The following TPCN1 variants were observed in gnomAD, a reference collection of about 807,000 sequenced individuals.
TPCN1 encodes the protein two pore segment channel 1, also known as two pore channel protein 1.
TPCN1 carries 52 observed loss-of-function variants against 108.8 expected under a neutral mutation model. The observed-to-expected ratio is 0.48, with a 90% CI of 0.38 to 0.60. The LOEUF is 0.60. TPCN1 is among the 20% of genes least tolerant of loss of function. The probability of loss-of-function intolerance (pLI) is 0.00; values close to 1 mark genes in which losing one functional copy is unlikely to be tolerated. For missense variants in TPCN1, 806 were observed against 1,072.8 expected (o/e 0.75, Z 3.47); for synonymous variants, 446 against 433.7 (o/e 1.03, Z -0.35).
chr12:113,222,368 G>T (rs2094891045), intron 1 of TPCN1, among the ~76,000 whole-genome samples: 1 of 152,200 alleles, frequency 6.6e-6, no homozygotes, highest in South Asian at 2.1e-4. Context: ...GGGGATATTA[G>T]CTAAGATAGG....
At position 113,273,607 on chromosome 12, in the gene TPCN1, C is replaced by G. The variant is rs1955577560; in HGVS notation, c.881C>G (p.Pro294Arg). The change falls in exon 10 of 28, where the codon CCC becomes CGC. Residue 294 changes from proline to arginine, a missense_variant. By Grantham distance (103) the Pro-to-Arg change is moderately radical (BLOSUM62 -2). Transcript: ENST00000335509. The surrounding 1 kb of genome is among the most constrained non-coding windows in gnomAD (Gnocchi z 4.0). ...DVMMPSYSRN[P>R]WSCVFFIVYL... ...ATGATGCCCTCCTACTCCCGGAACC[C>G]CTGGTCCTGCGTCTTCTTCATCGTG... is the stretch of plus-strand genomic sequence containing the variant. 2 of 1,614,216 alleles carry G rather than the reference C, an allele frequency of 1.2e-6. No homozygotes were observed. Among genetic ancestry groups the G allele is most frequent in the South Asian group, 1.1e-5 (1 of 91,080 alleles).
intron 2 of TPCN1, among the ~76,000 whole-genome samples, chr12:113,234,830 A>C (rs960464723): frequency 3.3e-5 from 5 of 152,074 alleles, no homozygotes; most frequent in African/African-American, 1.2e-4. Context: ...CACATTTGCC[A>C]GTTTTTCAAA....
At position 113,273,187 on chromosome 12, in the gene TPCN1, T is replaced by C. The variant is rs1955562108; in HGVS notation, c.784-45T>C. The C allele has an allele frequency of 6.3e-7, 1 of 1,589,016 alleles. No individual in the cohort carries two copies. The highest frequency in any genetic ancestry group is 1.3e-5 in the African/African-American group (1 of 74,358). The stretch of plus-strand genomic sequence containing the variant: ...TCACAGCCTGTTCCTGATGGCCGTG[T>C]GCTCTTGGCTGGTCCCGACTTCTCT... On this transcript the variant is annotated intron_variant, in intron 8 of 27. Transcript: ENST00000335509. The surrounding 1 kb of genome is among the most constrained non-coding windows in gnomAD (Gnocchi z 4.0).
intron 23 of TPCN1, 140 bp from the exon 24 acceptor site, chr12:113,291,469 G>A: frequency 1.4e-6 from 1 of 727,502 alleles, no homozygotes; most frequent in Non-Finnish European, 2.3e-6. Context: ...AGAGGGGCAA[G>A]CTTCCTCTCC....
At chr12:113,224,184 T>C (rs561155421) in intron 1 of TPCN1, among the ~76,000 whole-genome samples, 15 of 152,312 alleles carry the variant, frequency 9.8e-5, no homozygotes, top group African/African-American at 3.6e-4. Flanking sequence ...AGTCACACCG[T>C]AGAGCTGAAA....
intron 2 of TPCN1, among the ~76,000 whole-genome samples, chr12:113,229,047 C>CA (rs2136436389): frequency 6.6e-6 from 1 of 152,316 alleles, no homozygotes; most frequent in East Asian, 1.9e-4. Flanking sequence ...GAGAGCAACC[C>CA]AGTCCTGTGT....
In TPCN1 at chr12:113,298,109, G is replaced by A. The variant is rs932232451; in HGVS notation, c.*2033G>A. On this transcript the variant is annotated 3_prime_UTR_variant, in exon 28 of 28. Coordinates refer to ENST00000335509, the MANE Select transcript of TPCN1 (RefSeq NM_017901.6). ...TCTGCCCAACCCTGTCCTGAGAAAG[G>A]ACCTGGTTTTGGCCAGGACCTGACA... is the stretch of plus-strand genomic sequence containing the variant. The A allele has an allele frequency of 6.6e-6, 1 of 152,264 alleles. No individual in the cohort carries two copies. Among genetic ancestry groups the A allele is most frequent in the African/African-American group, 2.4e-5 (1 of 41,448 alleles). The allele number at this position is 152,264 out of a possible 1,614,324, so 9.4% of individuals were successfully genotyped here.
rs1956220698 is a variant in TPCN1 at position 113,290,175 on chromosome 12, G to A, written c.1844G>A (p.Gly615Asp). 2 of 1,607,422 alleles carry A rather than the reference G, an allele frequency of 1.2e-6. No individual in the cohort carries two copies. The highest frequency in any genetic ancestry group is 1.3e-5 in the African/African-American group (1 of 74,846). The change falls in exon 22 of 28, where the codon GGC becomes GAC. Residue 615 changes from glycine to aspartate, a missense_variant. Transcript: ENST00000335509. ...TACCGCTGGCGCAACCACACCGTGG[G>A]CAACAGGACCGTGGTGGAGGAAGGC... ...DAYRWRNHTV[G>D]NRTVVEEGYY...
chr12:113,263,930 C>G (rs967220874), intron 3 of TPCN1, among the ~76,000 whole-genome samples: 2 of 152,204 alleles, frequency 1.3e-5, no homozygotes, highest in Non-Finnish European at 2.9e-5. Flanking sequence ...ATATTTCCAT[C>G]TGTTGGTGGA....
At position 113,288,092 on chromosome 12, in the gene TPCN1, C is replaced by T. The variant is rs1566200915; in HGVS notation, c.1635-71C>T. 45 of 1,457,094 alleles carry T rather than the reference C, an allele frequency of 3.1e-5. 2 individuals carry two copies. Among genetic ancestry groups the T allele is most frequent in the East Asian group, 2.5e-4 (11 of 43,682 alleles). The allele number at this position is 1,457,094 out of a possible 1,614,324, so 90.3% of individuals were successfully genotyped here. ...CCGCATGGCGTGTGGAAGGCGGGGC[C>T]GGCATGTTCTGAGGGCGGGGGCTGA... On this transcript the variant is annotated intron_variant, in intron 19 of 27. Transcript: ENST00000335509. This position sits in a 1 kb window ranked among gnomAD's most constrained non-coding sequence, Gnocchi z 4.8.
chr12:113,257,045 T>TA (rs1182499430), intron 2 of TPCN1, among the ~76,000 whole-genome samples: 2 of 149,404 alleles, frequency 1.3e-5, no homozygotes, highest in South Asian at 2.1e-4. Flanking sequence ...AATTTAATAA[T>TA]AAAAAAAAAG....
Position 113,289,230 on chromosome 12 carries a change from G to A in TPCN1, c.1796+383G>A, listed in dbSNP as rs924065264. On this transcript the variant is annotated intron_variant, in intron 21 of 27. Transcript: ENST00000335509. This position sits in a 1 kb window ranked among gnomAD's most constrained non-coding sequence, Gnocchi z 4.1. ...ATCGTAGGATAAGACAGACGGACACGTGCAGGAAGGTCATGGTGCTCAGGG... is the reference window on the plus strand; with the variant it reads ...ATCGTAGGATAAGACAGACGGACACATGCAGGAAGGTCATGGTGCTCAGGG... Among the ~76,000 whole-genome samples the A allele has an allele frequency of 3.9e-5, 6 of 152,308 alleles. No homozygotes were observed. The highest frequency in any genetic ancestry group is 2.1e-4 in the South Asian group (1 of 4,824).
rs139242000 is a variant in TPCN1, at chr12:113,264,194, G to A, written c.238-1986G>A. ...AGCCCTGCACAGAGCACAGAACTGT[G>A]TTCAACTTACCTTCTGTTGACTGCC... On this transcript the variant is annotated intron_variant, in intron 3 of 27. Coordinates refer to ENST00000335509, the MANE Select transcript of TPCN1 (RefSeq NM_017901.6). Among the ~76,000 whole-genome samples, 1,053 of 152,288 alleles carry A rather than the reference G, an allele frequency of 6.9e-3. 6 individuals are homozygous for A. Among genetic ancestry groups the A allele is most frequent in the African/African-American group, 0.023 (964 of 41,554 alleles).
Position 113,284,212 on chromosome 12 carries a change from A to G in TPCN1, c.1343-369A>G, listed in dbSNP as rs979458220. On this transcript the variant is annotated intron_variant, in intron 15 of 27. Coordinates refer to ENST00000335509, the MANE Select transcript of TPCN1 (RefSeq NM_017901.6). The surrounding 1 kb of genome is among the most constrained non-coding windows in gnomAD (Gnocchi z 4.1). ...CATATGCAGTTTTTCTAAAGAGTTCATGCAATTATTTTAAAATTAGAAGTC... is the reference window on the plus strand; with the variant it reads ...CATATGCAGTTTTTCTAAAGAGTTCGTGCAATTATTTTAAAATTAGAAGTC... 1.3e-5 allele frequency among the ~76,000 whole-genome samples: 2 copies of G among 152,220 alleles called. No homozygotes were observed. The highest frequency in any genetic ancestry group is 4.8e-5 in the African/African-American group (2 of 41,450).
chr12:113,278,934 GT>G lies in TPCN1; in HGVS notation c.1297+100del. The G allele has an allele frequency of 4.9e-6, 5 of 1,023,156 alleles. No individual in the cohort carries two copies. The African/African-American group carries it at 7.9e-5, about 16-fold the overall frequency. 63.4% of individuals were successfully genotyped at this position (1,023,156 alleles called of 1,614,324 possible). A position where few individuals can be genotyped will look rare whatever the true frequency, so the allele number is the denominator to read the frequency against. On this transcript the variant is annotated intron_variant, in intron 14 of 27. Transcript: ENST00000335509. ...TCTGAGGAGAGGTTCAGAGGGGTGT[GT>G]GTGTGTGTGTGTTTGTCTGAATGCC...
rs928782658 is a variant in TPCN1, at chr12:113,231,156, C to T, written c.112+4192C>T. On this transcript the variant is annotated intron_variant, in intron 2 of 27. Coordinates refer to ENST00000335509, the MANE Select transcript of TPCN1 (RefSeq NM_017901.6). This position sits in a 1 kb window ranked among gnomAD's most constrained non-coding sequence, Gnocchi z 4.3. The stretch of plus-strand genomic sequence containing the variant: ...CTGGCCTTTGTTTTGGCCCAGCAGC[C>T]GCTGAGGCCTTCTCAGCACTGTACC... Among the ~76,000 whole-genome samples the T allele has an allele frequency of 7.9e-5, 12 of 152,218 alleles. No homozygotes were observed. The highest frequency in any genetic ancestry group is 1.2e-4 in the Non-Finnish European group (8 of 68,036).
In TPCN1 at chr12:113,226,903, G is replaced by A; in HGVS notation, c.51G>A (p.Glu17=). 1 of 1,614,178 alleles carries A rather than the reference G, an allele frequency of 6.2e-7. No individual in the cohort carries two copies. Among genetic ancestry groups the A allele is most frequent in the Non-Finnish European group, 8.5e-7 (1 of 1,180,034 alleles). Residue 17 remains glutamate, a synonymous_variant, in exon 2 of 28, where the codon GAG becomes GAA. Coordinates refer to ENST00000335509, the MANE Select transcript of TPCN1 (RefSeq NM_017901.6). The stretch of plus-strand genomic sequence containing the variant: ...TGCCGCTCATCCTGACCTTGGATGA[G>A]GGTGGCAGTGCCCCACTGGCTCCCT... The part of the protein sequence containing the change: ...DDVPLILTLD[E]GGSAPLAPSN...
At chr12:113,255,419 A>G (rs1954796215) in intron 2 of TPCN1, among the ~76,000 whole-genome samples, 1 of 152,170 alleles carries the variant, frequency 6.6e-6, no homozygotes, top group African/African-American at 2.4e-5. Flanking sequence ...TGACAGATAT[A>G]CCATATTCAT....
chr12:113,254,864 C>G (rs1043874931), intron 2 of TPCN1, among the ~76,000 whole-genome samples: 4 of 152,206 alleles, frequency 2.6e-5, no homozygotes, highest in Admixed American at 6.5e-5. Context: ...ATGGTAAGAT[C>G]TCACAACAAA....
Sources: allele counts gnomAD v4.1 joint callset (sites outside exome capture counted in the v4.1 genomes callset), GRCh38; gene constraint gnomAD v4.1.1; non-coding constraint Gnocchi (gnomAD v3.1); transcripts MANE v1.5; gene names NCBI Gene and HGNC (gene_info 2026-07-23, HGNC 2026-07-21).